EFR3A: variants seen among roughly 807,000 people sequenced by gnomAD.
EFR3A encodes the protein EFR3 homolog A, also known as protein EFR3 homolog A.
EFR3A carries 76 observed loss-of-function variants against 104.4 expected under a neutral mutation model. That is an observed-to-expected ratio of 0.73 (90% CI 0.60 to 0.88). The LOEUF (loss-of-function observed/expected upper bound fraction) is 0.88. Ranked by LOEUF, EFR3A falls within the 40% of genes least tolerant of loss-of-function variation. EFR3A has a pLI of 0.00. For missense variants in EFR3A, 985 were observed against 1,012.5 expected (o/e 0.97, Z 0.37); for synonymous variants, 330 against 330.0 (o/e 1.00, Z 0.00).
chr8:131,937,811 G>C (rs1330394482), intron 1 of EFR3A, among the ~76,000 whole-genome samples: 1 of 148,702 alleles, frequency 6.7e-6, no homozygotes, highest in Non-Finnish European at 1.5e-5. Context: ...TTTTGGGAAA[G>C]AGGAAGTTGG....
chr8:131,970,743 A>G (rs1312817594), intron 10 of EFR3A, 100 bp downstream of exon 10: 5 of 1,159,250 alleles, frequency 4.3e-6, no homozygotes, highest in Non-Finnish European at 2.4e-6. Flanking sequence ...TCAAAGATGA[A>G]TGATAGCTTA....
chr8:131,959,600 C>A lies in EFR3A; in HGVS notation c.792C>A (p.His264Gln). 1 of 1,611,822 alleles carries A rather than the reference C, an allele frequency of 6.2e-7. No individual in the cohort carries two copies. The highest frequency in any genetic ancestry group is 2.2e-5 in the East Asian group (1 of 44,754). The stretch of plus-strand genomic sequence containing the variant: ...TTATTTGCAGGCATTTAGATCATCA[C>A]AAACTGTGGGATCCCAATGAATTTG... ...VRPVFAHLDH[H>Q]KLWDPNEFAV... is the part of the protein sequence containing the mutation. The change falls in exon 8 of 23, where the codon CAC (histidine) becomes CAA (glutamine). Residue 264 changes from histidine to glutamine, a missense_variant. Physicochemically the swap from His to Gln is conservative, Grantham distance 24 (BLOSUM62 0). Transcript: ENST00000254624.
intron 7 of EFR3A, among the ~76,000 whole-genome samples, chr8:131,958,250 C>T (rs1819124571): frequency 6.6e-6 from 1 of 152,062 alleles, no homozygotes; most frequent in African/African-American, 2.4e-5. Flanking sequence ...TAATGCAGGT[C>T]ATATTAGCAT....
chr8:132,010,694 T>G, intron 22 of EFR3A, 96 bp from the exon 23 acceptor site: 1 of 1,416,780 alleles, frequency 7.1e-7, no homozygotes, highest in Non-Finnish European at 9.6e-7. Context: ...AATTAAGGAG[T>G]CTGACTTTGA....
chr8:131,950,037 T>A lies in EFR3A; in HGVS notation c.435T>A (p.Ser145=). ...ACAGACGTTATGACTTTTTTGTGTC[T>A]CGATTCAGTGCCATGTGCCATTCCT... ...SYHRRYDFFV[S]RFSAMCHSCH... Residue 145 remains serine (S), a synonymous_variant, in exon 5 of 23, where the codon TCT becomes TCA. Coordinates refer to ENST00000254624, the MANE Select transcript of EFR3A (RefSeq NM_015137.6). The A allele has an allele frequency of 6.2e-7, 1 of 1,609,404 alleles. No individual in the cohort carries two copies. Among genetic ancestry groups the A allele is most frequent in the Non-Finnish European group, 8.5e-7 (1 of 1,178,030 alleles).
intron 1 of EFR3A, among the ~76,000 whole-genome samples, chr8:131,908,132 T>C (rs1816341427): frequency 6.6e-6 from 1 of 151,832 alleles, no homozygotes; most frequent in African/African-American, 2.4e-5. Flanking sequence ...GAGATCTCTG[T>C]TCACTGCAAC....
intron 1 of EFR3A, among the ~76,000 whole-genome samples, chr8:131,923,604 A>T (rs1437300293): frequency 6.6e-6 from 1 of 151,720 alleles, no homozygotes; most frequent in Non-Finnish European, 1.5e-5. Flanking sequence ...AACTTTAAAG[A>T]TTCATCTCAT....
chr8:131,966,032 A>T (rs1819703378), intron 8 of EFR3A, among the ~76,000 whole-genome samples: 3 of 152,074 alleles, frequency 2.0e-5, no homozygotes, highest in Admixed American at 1.3e-4. Flanking sequence ...GGACACAGGA[A>T]GGGGAACATC....
At chr8:131,916,876 T>TAAGAACAATTGTTGTGTCTCAGCCGTGGC (rs1174631769) in intron 1 of EFR3A, among the ~76,000 whole-genome samples, 1 of 152,220 alleles carries the variant, frequency 6.6e-6, no homozygotes, top group East Asian at 1.9e-4. Flanking sequence ...CTTTAGGACT[T>TAAGAACAATTGTTGTGTCTCAGCCGTGGC]AAGAACAATT....
intron 16 of EFR3A, 89 bp from the exon 17 acceptor site, chr8:131,986,105 T>G (rs1293282588): frequency 5.5e-6 from 3 of 541,930 alleles, no homozygotes; most frequent in African/African-American, 3.9e-5. Context: ...TTTAAAGTTG[T>G]TTTTTTTTAA....
chr8:131,963,870 A>C (rs1251373039), intron 8 of EFR3A, among the ~76,000 whole-genome samples: 1 of 152,192 alleles, frequency 6.6e-6, no homozygotes, highest in Non-Finnish European at 1.5e-5. Context: ...AAGCTTATCC[A>C]CCATGATCAA....
intron 10 of EFR3A, among the ~76,000 whole-genome samples, chr8:131,973,789 G>C (rs1330352891): frequency 1.3e-5 from 2 of 151,786 alleles, no homozygotes; most frequent in Non-Finnish European, 2.9e-5. Flanking sequence ...TTTCTTCTGG[G>C]CTCATTTCTG....
chr8:131,983,968 G>C (rs1033750625), intron 14 of EFR3A, among the ~76,000 whole-genome samples, 171 bp from the exon 15 acceptor site: 3 of 152,052 alleles, frequency 2.0e-5, no homozygotes, highest in Non-Finnish European at 4.4e-5. Flanking sequence ...TTGTATATTA[G>C]CATGTTGTTT....
In EFR3A at chr8:132,010,791, C is replaced by A; in HGVS notation, c.2362C>A (p.Pro788Thr). The change falls in exon 23 of 23, where the codon CCT becomes ACT. Residue 788 changes from proline to threonine, a missense_variant and splice_region_variant. Physicochemically the swap from Pro to Thr is conservative, Grantham distance 38. Coordinates refer to ENST00000254624, the MANE Select transcript of EFR3A (RefSeq NM_015137.6). ...CAATGTATTTTTGTTCTTTTATAGT[C>A]CTCCTCCCAGTCCATCAGGAACACT... ...LAQILELTIR[P>T]PPSPSGTLTI... 2 of 1,611,698 alleles carry A rather than the reference C, an allele frequency of 1.2e-6. No homozygotes were observed. The highest frequency in any genetic ancestry group is 1.7e-6 in the Non-Finnish European group (2 of 1,178,402).
In EFR3A at chr8:131,997,269, A is replaced by G. The variant is rs75152724; in HGVS notation, c.2157+772A>G. On this transcript the variant is annotated intron_variant, in intron 19 of 22. Transcript: ENST00000254624. ...TGTTTGCCTTCCTAAGTATTTTATTATTTCTCATTGGTACAATATGCATAA... is the reference window on the plus strand; with the variant it reads ...TGTTTGCCTTCCTAAGTATTTTATTGTTTCTCATTGGTACAATATGCATAA... 4.2e-3 allele frequency among the ~76,000 whole-genome samples: 641 copies of G among 152,188 alleles called. 4 individuals are homozygous for G. The highest frequency in any genetic ancestry group is 0.015 in the African/African-American group (619 of 41,562).
intron 5 of EFR3A, among the ~76,000 whole-genome samples, chr8:131,952,685 A>C (rs984660526): frequency 1.3e-5 from 2 of 152,178 alleles, no homozygotes; most frequent in African/African-American, 4.8e-5. Context: ...TGTTTTAAAA[A>C]GCAGCATGTA....
intron 1 of EFR3A, among the ~76,000 whole-genome samples, chr8:131,923,133 T>A (rs79685424): frequency 0.14 from 21,564 of 151,986 alleles, 1,602 homozygotes; most frequent in South Asian, 0.23. Flanking sequence ...GCTGAAAAGG[T>A]AGAGATTATG....
At position 131,964,528 on chromosome 8, in the gene EFR3A, C is replaced by T. The variant is rs572394548; in HGVS notation, c.856-3767C>T. The stretch of plus-strand genomic sequence containing the variant: ...TCCAACTTACAGGGGATGTGAAGGA[C>T]CTCTTCAAGGAGAACTACAAACCAC... On this transcript the variant is annotated intron_variant, in intron 8 of 22. Coordinates refer to ENST00000254624, the MANE Select transcript of EFR3A (RefSeq NM_015137.6). Among the ~76,000 whole-genome samples the T allele has an allele frequency of 5.3e-5, 8 of 152,126 alleles. No homozygotes were observed. In the South Asian group the frequency reaches 1.7e-3, roughly 32 times the overall value.
rs143158233 is a variant in EFR3A at position 131,954,018 on chromosome 8, A to G, written c.638+51A>G. The G allele has an allele frequency of 6.3e-3, 8,889 of 1,413,748 alleles. 35 individuals carry two copies. The highest frequency in any genetic ancestry group is 6.9e-3 in the Non-Finnish European group (7,360 of 1,061,354). 87.6% of individuals were successfully genotyped at this position (1,413,748 alleles called of 1,614,324 possible). On this transcript the variant is annotated intron_variant, in intron 6 of 22. Coordinates refer to ENST00000254624, the MANE Select transcript of EFR3A (RefSeq NM_015137.6). ...GACAGTGTTACTTTTATATATATGT[A>G]TGTGTGTTTCCTAGGATAAGAATGT... is the stretch of plus-strand genomic sequence containing the variant.
Sources: gnomAD v4.1 joint callset for allele counts (sites outside exome capture counted in the v4.1 genomes callset) on GRCh38, gnomAD v4.1.1 for gene constraint, MANE v1.5 for transcripts, NCBI Gene and HGNC (gene_info 2026-07-23, HGNC 2026-07-21) for gene names.